The following EYS variants were observed in gnomAD, a reference collection of about 807,000 sequenced individuals.
EYS encodes protein eyes shut homolog.
A neutral mutation model predicts 282.1 loss-of-function variants in EYS; 250 were observed. The ratio of observed to expected loss-of-function variants is 0.89; its 90% CI spans 0.80 to 0.98. The LOEUF (loss-of-function observed/expected upper bound fraction) is 0.98, where lower values mean the gene tolerates loss of function less well. Among genes scored for constraint, EYS ranks in the 50% least tolerant of loss-of-function variants. The probability of loss-of-function intolerance (pLI) is 0.00; values close to 1 mark genes in which losing one functional copy is unlikely to be tolerated. For synonymous variants in EYS, 1,355 were observed against 1,282.9 expected (o/e 1.06, Z -1.20); for missense variants, 4,016 against 3,709.0 (o/e 1.08, Z -2.15).
intron 22 of EYS, among the ~76,000 whole-genome samples, chr6:64,799,716 ATCTC>A (rs1052595607): frequency 2.0e-5 from 3 of 150,790 alleles, no homozygotes; most frequent in African/African-American, 7.3e-5. Flanking sequence ...CTATGTCTGT[ATCTC>A]TCTATCTCAA....
chr6:64,143,422 G>C (rs746869385), intron 31 of EYS, among the ~76,000 whole-genome samples: 13 of 149,902 alleles, frequency 8.7e-5, no homozygotes, highest in Admixed American at 3.3e-4. Context: ...AGAGGAGCTT[G>C]TGCATATGGA....
At chr6:64,876,417 A>C (rs1443542968) in intron 19 of EYS, among the ~76,000 whole-genome samples, 1 of 152,166 alleles carries the variant, frequency 6.6e-6, no homozygotes, top group Non-Finnish European at 1.5e-5. Context: ...ACATTCAAAA[A>C]GTTTAAATTG....
intron 26 of EYS, among the ~76,000 whole-genome samples, chr6:64,468,162 G>A (rs1346536584): frequency 2.0e-5 from 3 of 152,072 alleles, no homozygotes; most frequent in Non-Finnish European, 4.4e-5. Flanking sequence ...ATCATTACAG[G>A]TGTCCAAGGA....
chr6:65,322,913 C>T lies in EYS; in HGVS notation c.1766+12067G>A, dbSNP rs547515374. ...GGCTCTTGATTTAGGGAAAAAAGCA[C>T]ATCCTGCTATTTAATTTGCAAAAAT... On this transcript the variant is annotated intron_variant, in intron 11 of 42. Coordinates refer to ENST00000503581, the MANE Select transcript of EYS (RefSeq NM_001142800.2). Among the ~76,000 whole-genome samples, 235 of 151,142 alleles carry T rather than the reference C, an allele frequency of 1.6e-3. 3 individuals are homozygous for T. Among genetic ancestry groups the T allele is most frequent in the Admixed American group, 0.014 (217 of 15,162 alleles).
intron 29 of EYS, among the ~76,000 whole-genome samples, chr6:64,325,438 C>T (rs1250850421): frequency 6.6e-6 from 1 of 152,162 alleles, no homozygotes; most frequent in Non-Finnish European, 1.5e-5. Flanking sequence ...TAGACCTTTC[C>T]TCTGACAGAG....
intron 36 of EYS, among the ~76,000 whole-genome samples, chr6:63,840,211 C>A (rs201846534): frequency 0.12 from 16,345 of 140,148 alleles, 1,220 homozygotes; most frequent in African/African-American, 0.19. Flanking sequence ...CCATGCCCAT[C>A]TTATTATTAT....
chr6:64,896,244 C>A (rs1347032256), intron 18 of EYS, among the ~76,000 whole-genome samples: 1 of 152,066 alleles, frequency 6.6e-6, no homozygotes, highest in Admixed American at 6.6e-5. Flanking sequence ...CAGTTCATCT[C>A]CCTGGTACTG....
At chr6:65,340,151 C>T (rs924814927) in intron 10 of EYS, among the ~76,000 whole-genome samples, 13 of 150,936 alleles carry the variant, frequency 8.6e-5, no homozygotes, top group African/African-American at 2.9e-4. Flanking sequence ...TGGTAAAAAC[C>T]TTTCACATCC....
At chr6:65,449,594 C>T (rs969604257) in intron 5 of EYS, among the ~76,000 whole-genome samples, 6 of 151,950 alleles carry the variant, frequency 3.9e-5, no homozygotes, top group South Asian at 2.1e-4. Flanking sequence ...TCATTTTGGT[C>T]AGATTCAATT....
intron 26 of EYS, among the ~76,000 whole-genome samples, chr6:64,564,980 G>A (rs1156836250): frequency 6.6e-6 from 1 of 151,990 alleles, no homozygotes; most frequent in Non-Finnish European, 1.5e-5. Flanking sequence ...GTCTTCTTTT[G>A]AGAAATGTGT....
intron 22 of EYS, among the ~76,000 whole-genome samples, chr6:64,715,295 TTACGTCCAGTCTAC>T (rs112943361): frequency 0.87 from 131,651 of 152,004 alleles, 57,606 homozygotes; most frequent in Middle Eastern, 0.93. Context: ...AGTGTGTTGC[TTACGTCCAGTCTAC>T]TCCAAAATTG....
At chr6:65,649,079 A>C (rs1283076283) in intron 1 of EYS, among the ~76,000 whole-genome samples, 1 of 139,896 alleles carries the variant, frequency 7.1e-6, no homozygotes, top group African/African-American at 2.6e-5. Flanking sequence ...CTGGGAGGCC[A>C]GTGAGCTGAG....
chr6:64,765,029 G>A (rs561353984), intron 22 of EYS, among the ~76,000 whole-genome samples: 29 of 152,140 alleles, frequency 1.9e-4, no homozygotes, highest in African/African-American at 2.6e-4. Context: ...CAGCCACCGC[G>A]CCTGCCCCTT....
At chr6:63,807,700 A>G (rs1177093746) in intron 36 of EYS, among the ~76,000 whole-genome samples, 3 of 152,192 alleles carry the variant, frequency 2.0e-5, no homozygotes, top group South Asian at 2.1e-4. Flanking sequence ...TAATTTTCTC[A>G]AAACTCACCA....
intron 12 of EYS, among the ~76,000 whole-genome samples, chr6:65,215,117 T>C (rs1184541018): frequency 4.6e-5 from 7 of 152,140 alleles, no homozygotes; most frequent in Non-Finnish European, 2.9e-5. Flanking sequence ...AAAGGAGTAA[T>C]TATAACTTTC....
At chr6:64,553,858 T>C (rs1411158625) in intron 26 of EYS, among the ~76,000 whole-genome samples, 1 of 152,152 alleles carries the variant, frequency 6.6e-6, no homozygotes, top group Non-Finnish European at 1.5e-5. Context: ...TTCATATTCC[T>C]AATAATTTTT....
chr6:63,747,769 A>G (rs1172567104), intron 41 of EYS, among the ~76,000 whole-genome samples: 1 of 150,168 alleles, frequency 6.7e-6, no homozygotes, highest in Admixed American at 6.6e-5. Context: ...TAGGATTGCA[A>G]CCTCTGCTTA....
chr6:65,544,439 C>A (rs1369354842), intron 2 of EYS, among the ~76,000 whole-genome samples: 1 of 152,032 alleles, frequency 6.6e-6, no homozygotes, highest in Non-Finnish European at 1.5e-5. Context: ...TTTGTAGTTC[C>A]AGTTTCCCCC....
rs540928707 is a variant in EYS at position 65,443,305 on chromosome 6, T to C, written c.863-37938A>G. ...ATGCATGCATATATGCATACATGTG[T>C]GTACACATATAGACATATATGCATA... On this transcript the variant is annotated intron_variant, in intron 5 of 42. Transcript: ENST00000503581. Among the ~76,000 whole-genome samples, 149 of 125,296 alleles carry C rather than the reference T, an allele frequency of 1.2e-3. 8 individuals carry two copies. Among genetic ancestry groups the C allele is most frequent in the African/African-American group, 3.6e-3 (144 of 39,590 alleles). The allele number at this position is 125,296 out of a possible 152,430, so 82.2% of individuals were successfully genotyped here.
Sources: allele counts gnomAD v4.1 joint callset (sites outside exome capture counted in the v4.1 genomes callset), GRCh38; gene constraint gnomAD v4.1.1; transcripts MANE v1.5; gene names NCBI Gene and HGNC (gene_info 2026-07-23, HGNC 2026-07-21).